HIVEP3: variants seen among roughly 807,000 people sequenced by gnomAD.
The protein encoded by HIVEP3 is HIVEP zinc finger 3.
A neutral mutation model predicts 152.8 loss-of-function variants in HIVEP3; 49 were observed. The ratio of observed to expected loss-of-function variants is 0.32; its 90% CI spans 0.26 to 0.41. The LOEUF is 0.41. HIVEP3 is among the 10% of genes least tolerant of loss of function. HIVEP3 has a pLI of 1.00. For synonymous variants in HIVEP3, 1,269 were observed against 1,289.0 expected (o/e 0.98, Z 0.33); for missense variants, 2,790 against 3,103.3 (o/e 0.90, Z 2.40).
intron 1 of HIVEP3, among the ~76,000 whole-genome samples, chr1:42,005,142 C>T (rs1645451253): frequency 6.6e-6 from 1 of 152,134 alleles, no homozygotes; most frequent in South Asian, 2.1e-4. Flanking sequence ...ATCATCTCAG[C>T]AAGGCTACCC....
At chr1:42,000,191 C>T (rs1463485012) in intron 1 of HIVEP3, among the ~76,000 whole-genome samples, 9 of 152,204 alleles carry the variant, frequency 5.9e-5, no homozygotes, top group Non-Finnish European at 1.0e-4. Context: ...CTCTTTCCTA[C>T]CATAGATACT....
intron 1 of HIVEP3, among the ~76,000 whole-genome samples, chr1:41,808,447 C>A (rs1194430233): frequency 6.6e-6 from 1 of 152,246 alleles, no homozygotes; most frequent in South Asian, 2.1e-4. Context: ...TCATGACAGG[C>A]AGAATCCAGG....
Position 41,583,673 on chromosome 1 carries a change from G to A in HIVEP3, c.1125C>T (p.Ile375=), listed in dbSNP as rs757791609. 2.7e-5 allele frequency: 43 copies of A among 1,613,940 alleles called. No individual in the cohort carries two copies. The Admixed American group carries it at 2.8e-4, about 11-fold the overall frequency. Residue 375 remains isoleucine, a synonymous_variant, in exon 4 of 9, where the codon ATC becomes ATT. Coordinates refer to ENST00000372583, the MANE Select transcript of HIVEP3 (RefSeq NM_024503.5). The surrounding 1 kb of genome is among the most constrained non-coding windows in gnomAD (Gnocchi z 6.9). ...CTGGGCTCAGAAACGCCTGCTCATC[G>A]ATCACCTTCTTCCTCTCGCTTAAGC... ...ALRLSERKKV[I]DEQAFLSPGS... is the part of the protein sequence containing the mutation.
intron 1 of HIVEP3, among the ~76,000 whole-genome samples, chr1:42,018,417 G>A (rs890533163): frequency 9.2e-5 from 14 of 151,658 alleles, no homozygotes; most frequent in African/African-American, 3.4e-4. Context: ...AATGGCTTGA[G>A]GAAGATTCTT....
chr1:41,817,356 T>A (rs938119724), intron 1 of HIVEP3, among the ~76,000 whole-genome samples: 2 of 151,062 alleles, frequency 1.3e-5, no homozygotes, highest in African/African-American at 4.9e-5. Context: ...ATCAAAGGAG[T>A]TGCAATGAAA....
intron 3 of HIVEP3, among the ~76,000 whole-genome samples, chr1:41,625,546 T>TTCATAATAAATAA (rs1427921122): frequency 4.6e-5 from 7 of 152,160 alleles, no homozygotes; most frequent in Non-Finnish European, 1.0e-4. Context: ...ATAATAAATA[T>TTCATAATAAATAA]AACGTTCATA....
chr1:41,809,604 C>T (rs966832124), intron 1 of HIVEP3, among the ~76,000 whole-genome samples: 4 of 152,212 alleles, frequency 2.6e-5, no homozygotes, highest in African/African-American at 9.6e-5. Context: ...TTTATTTATG[C>T]TTTACAAAAG....
Position 41,580,184 on chromosome 1 carries a change from A to C in HIVEP3, c.4614T>G (p.Ser1538=). ...SEALKEYPQP[S]GKPHRRGLTP... is the part of the protein sequence containing the mutation. ...TCAACCCTCTTCGGTGAGGTTTGCCAGATGGCTGGGGATATTCCTTCAAAG... is the reference window on the plus strand; with the variant it reads ...TCAACCCTCTTCGGTGAGGTTTGCCCGATGGCTGGGGATATTCCTTCAAAG... The change falls in exon 4 of 9, where the codon TCT becomes TCG. Residue 1538 remains serine (S), a synonymous_variant. Coordinates refer to ENST00000372583, the MANE Select transcript of HIVEP3 (RefSeq NM_024503.5). 1 of 1,612,508 alleles carries C rather than the reference A, an allele frequency of 6.2e-7. No homozygotes were observed. The highest frequency in any genetic ancestry group is 1.1e-5 in the South Asian group (1 of 90,884).
chr1:41,745,488 G>T (rs1647057698), intron 1 of HIVEP3, among the ~76,000 whole-genome samples: 1 of 152,174 alleles, frequency 6.6e-6, no homozygotes, highest in Non-Finnish European at 1.5e-5. Flanking sequence ...TGAAAGATGG[G>T]CCAGGTCTAC....
intron 1 of HIVEP3, among the ~76,000 whole-genome samples, chr1:41,846,214 T>G (rs964229314): frequency 5.3e-5 from 8 of 152,238 alleles, no homozygotes; most frequent in Non-Finnish European, 5.9e-5. Flanking sequence ...TAGTGAAATA[T>G]GGTAACATTC....
intron 1 of HIVEP3, among the ~76,000 whole-genome samples, chr1:41,934,112 C>T (rs1479558250): frequency 6.6e-6 from 1 of 152,138 alleles, no homozygotes; most frequent in African/African-American, 2.4e-5. Context: ...ACAGCAGTTT[C>T]TTTTCCTCTC....
At position 41,664,063 on chromosome 1, in the gene HIVEP3, G is replaced by A. The variant is rs1459918141; in HGVS notation, c.-720-35116C>T. Among the ~76,000 whole-genome samples, 1 of 152,180 alleles carries A rather than the reference G, an allele frequency of 6.6e-6. No homozygotes were observed. The highest frequency in any genetic ancestry group is 2.4e-5 in the African/African-American group (1 of 41,436). On this transcript the variant is annotated intron_variant, in intron 2 of 8. Transcript: ENST00000372583. The surrounding 1 kb of genome is among the most constrained non-coding windows in gnomAD (Gnocchi z 4.4). The stretch of plus-strand genomic sequence containing the variant: ...CTTTGCACCAGTTTCCACTTCTTGA[G>A]GTCTTCATACAGGCTTTCCCTTTGA...
intron 3 of HIVEP3, among the ~76,000 whole-genome samples, chr1:41,620,004 C>CA (rs1354022142): frequency 6.6e-6 from 1 of 152,132 alleles, no homozygotes; most frequent in Non-Finnish European, 1.5e-5. Context: ...ACAGGCTCTG[C>CA]AGGGGTTTGG....
intron 6 of HIVEP3, among the ~76,000 whole-genome samples, chr1:41,524,167 T>C (rs1642836696): frequency 6.6e-6 from 1 of 152,200 alleles, no homozygotes; most frequent in South Asian, 2.1e-4. Flanking sequence ...GTGACAGGGC[T>C]GTCAGTCTGG....
intron 5 of HIVEP3, among the ~76,000 whole-genome samples, chr1:41,529,921 C>CA (rs199808011): frequency 8.1e-5 from 11 of 135,316 alleles, no homozygotes; most frequent in Admixed American, 3.7e-4. Flanking sequence ...ACCAACACCC[C>CA]CCACCACACG....
chr1:41,703,402 A>T (rs892884165), intron 1 of HIVEP3, among the ~76,000 whole-genome samples: 30 of 152,224 alleles, frequency 2.0e-4, no homozygotes, highest in African/African-American at 7.2e-4. Flanking sequence ...GGGGCAGGTA[A>T]ATGTATGAAC....
At chr1:41,714,355 G>T (rs929258846) in intron 1 of HIVEP3, among the ~76,000 whole-genome samples, 2 of 152,186 alleles carry the variant, frequency 1.3e-5, no homozygotes, top group African/African-American at 4.8e-5. Context: ...CATTTATTGA[G>T]TGTTTCCCAT....
At chr1:41,911,881 A>T (rs1417913819) in intron 1 of HIVEP3, among the ~76,000 whole-genome samples, 1 of 152,164 alleles carries the variant, frequency 6.6e-6, no homozygotes, top group Admixed American at 6.5e-5. Context: ...AAAGGAGTGG[A>T]CTTGGAGAAG....
chr1:41,811,243 C>T (rs900059152), intron 1 of HIVEP3, among the ~76,000 whole-genome samples: 1 of 151,548 alleles, frequency 6.6e-6, no homozygotes, highest in Non-Finnish European at 1.5e-5. Flanking sequence ...TTTCCTACTC[C>T]CCAAGGCCCA....
Sources: allele counts gnomAD v4.1 joint callset (sites outside exome capture counted in the v4.1 genomes callset), GRCh38; gene constraint gnomAD v4.1.1; non-coding constraint Gnocchi (gnomAD v3.1); transcripts MANE v1.5; gene names NCBI Gene and HGNC (gene_info 2026-07-23, HGNC 2026-07-21).